Variants in SLC4A4 observed in about 807,000 individuals in gnomAD.
The protein encoded by SLC4A4 is electrogenic sodium bicarbonate cotransporter 1.
Under a neutral mutation model 111.5 loss-of-function variants are expected in SLC4A4, and 27 were observed. That is an observed-to-expected ratio of 0.24 (90% CI 0.18 to 0.33). The LOEUF is 0.33. Ranked by LOEUF, SLC4A4 falls within the 10% of genes least tolerant of loss-of-function variation. The pLI is 1.00. For missense variants in SLC4A4, 909 were observed against 1,315.5 expected (o/e 0.69, Z 4.78); for synonymous variants, 443 against 463.4 (o/e 0.96, Z 0.57).
intron 2 of SLC4A4, among the ~76,000 whole-genome samples, chr4:71,241,040 G>A (rs931239847): frequency 6.6e-6 from 1 of 152,024 alleles, no homozygotes; most frequent in Admixed American, 6.6e-5. Context: ...AATCGTTTGA[G>A]CCCAGGAGAT....
chr4:71,213,721 A>C (rs1185390989), intron 1 of SLC4A4, among the ~76,000 whole-genome samples: 1 of 152,154 alleles, frequency 6.6e-6, no homozygotes, highest in African/African-American at 2.4e-5. Flanking sequence ...GGAGGTAATT[A>C]GGTTATGAGG....
chr4:71,353,745 A>T (rs1730050827), intron 5 of SLC4A4, among the ~76,000 whole-genome samples: 1 of 152,176 alleles, frequency 6.6e-6, no homozygotes, highest in Non-Finnish European at 1.5e-5. Context: ...AACAAATGAG[A>T]AGAAAAAGAA....
chr4:71,423,625 A>ACTGTTTGG (rs1220328831), intron 7 of SLC4A4, among the ~76,000 whole-genome samples: 1 of 152,172 alleles, frequency 6.6e-6, no homozygotes, highest in Admixed American at 6.5e-5. Flanking sequence ...ACAGCATGGT[A>ACTGTTTGG]CTGGTACCAA....
At chr4:71,256,231 T>G (rs538646882) in intron 3 of SLC4A4, among the ~76,000 whole-genome samples, 1 of 152,324 alleles carries the variant, frequency 6.6e-6, no homozygotes, top group Admixed American at 6.5e-5. Context: ...ATTCTTCATG[T>G]CTTTGCTACA....
intron 18 of SLC4A4, among the ~76,000 whole-genome samples, chr4:71,536,467 T>TATATATATATGTATATAC (rs1378124471): frequency 1.1e-4 from 7 of 66,484 alleles, no homozygotes; most frequent in Non-Finnish European, 1.9e-4. Context: ...CATATATACA[T>TATATATATATGTATATAC]ATATATATAT....
chr4:71,095,481 C>T (rs1742518414), intron 2 of SLC4A4, among the ~76,000 whole-genome samples: 1 of 152,218 alleles, frequency 6.6e-6, no homozygotes, highest in South Asian at 2.1e-4. Context: ...TTCTAATTAG[C>T]TGCTTCCTGA....
At chr4:71,140,695 T>C (rs1174242931) in intron 2 of SLC4A4, among the ~76,000 whole-genome samples, 3 of 152,128 alleles carry the variant, frequency 2.0e-5, no homozygotes, top group African/African-American at 7.2e-5. Flanking sequence ...CATTCTTGAT[T>C]CCTCTCTTAT....
intron 7 of SLC4A4, chr4:71,434,617 A>G (rs1482910709): frequency 6.6e-6 from 1 of 152,164 alleles, no homozygotes; most frequent in Non-Finnish European, 1.5e-5. Flanking sequence ...TTATTCAAAG[A>G]GGAAGTCAAA....
At chr4:71,534,895 A>G (rs1734274608) in intron 18 of SLC4A4, among the ~76,000 whole-genome samples, 1 of 152,082 alleles carries the variant, frequency 6.6e-6, no homozygotes, top group African/African-American at 2.4e-5. Context: ...AAAATGCTTT[A>G]TTTTGGACAT....
At chr4:71,232,329 T>C (rs1429870792) in intron 1 of SLC4A4, among the ~76,000 whole-genome samples, 1 of 152,222 alleles carries the variant, frequency 6.6e-6, no homozygotes, top group Non-Finnish European at 1.5e-5. Flanking sequence ...TGGATGGTTT[T>C]CTCAGCCTAG....
At chr4:71,342,800 G>A (rs745375385) in intron 4 of SLC4A4, among the ~76,000 whole-genome samples, 1 of 152,138 alleles carries the variant, frequency 6.6e-6, no homozygotes, top group Admixed American at 6.5e-5. Context: ...TTTCACTCAA[G>A]ATTTTTAAAG....
At chr4:71,501,234 A>AT (rs995884848) in intron 16 of SLC4A4, among the ~76,000 whole-genome samples, 16 of 150,914 alleles carry the variant, frequency 1.1e-4, no homozygotes, top group East Asian at 7.8e-4. Context: ...TGGGATTGTG[A>AT]TTTTTTTTTC....
At chr4:71,557,308 G>T (rs575318605) in intron 21 of SLC4A4, among the ~76,000 whole-genome samples, 1 of 151,984 alleles carries the variant, frequency 6.6e-6, no homozygotes, top group Admixed American at 6.6e-5. Flanking sequence ...TCTCCTCTTT[G>T]TTCAGATAAG....
At chr4:71,099,515 C>T (rs947838788) in intron 2 of SLC4A4, among the ~76,000 whole-genome samples, 4 of 152,078 alleles carry the variant, frequency 2.6e-5, no homozygotes, top group Non-Finnish European at 5.9e-5. Context: ...AGCAACCTAA[C>T]ATCACAACTG....
intron 3 of SLC4A4, among the ~76,000 whole-genome samples, chr4:71,274,596 T>C (rs1705134464): frequency 1.3e-5 from 2 of 152,196 alleles, no homozygotes; most frequent in South Asian, 4.1e-4. Flanking sequence ...AGTTAGAAGT[T>C]CTGATTATCA....
intron 1 of SLC4A4, among the ~76,000 whole-genome samples, chr4:71,084,514 AT>A (rs1742093407): frequency 6.6e-6 from 1 of 151,958 alleles, no homozygotes; most frequent in Non-Finnish European, 1.5e-5. Context: ...TTAACTCGTC[AT>A]TTAACATTAG....
At chr4:71,259,001 T>C (rs1408591272) in intron 3 of SLC4A4, among the ~76,000 whole-genome samples, 1 of 152,186 alleles carries the variant, frequency 6.6e-6, no homozygotes, top group African/African-American at 2.4e-5. Context: ...CCGTGGCACA[T>C]GCCTATAGTC....
rs901996322 is a variant in SLC4A4, at chr4:71,358,740, AAG to A, written c.730+1556_730+1557del. Among the ~76,000 whole-genome samples the A allele has an allele frequency of 5.3e-4, 81 of 152,142 alleles. 1 individual carries two copies. Among genetic ancestry groups the A allele is most frequent in the Middle Eastern group, 3.4e-3 (1 of 294 alleles). ...TTGTTGTTTTAGTTGTGTTTTTGGA[AAG>A]AGGGGTTACTTAATGGCTAGAAAGT... On this transcript the variant is annotated intron_variant, in intron 6 of 25. Coordinates refer to ENST00000264485, the MANE Select transcript of SLC4A4 (RefSeq NM_001098484.3).
intron 7 of SLC4A4, among the ~76,000 whole-genome samples, chr4:71,416,747 G>T (rs147943149): frequency 6.6e-6 from 1 of 151,960 alleles, no homozygotes; most frequent in African/African-American, 2.4e-5. Flanking sequence ...GAAGCTCTTT[G>T]TGCCTGTTGG....
Sources: gnomAD v4.1 joint callset for allele counts (sites outside exome capture counted in the v4.1 genomes callset) on GRCh38, gnomAD v4.1.1 for gene constraint, MANE v1.5 for transcripts, NCBI Gene and HGNC (gene_info 2026-07-23, HGNC 2026-07-21) for gene names.